Variants in ITGA9 observed in about 807,000 individuals in gnomAD.
ITGA9 encodes the protein integrin subunit alpha 9, also known as integrin alpha-9.
Under a neutral mutation model 127.8 loss-of-function variants are expected in ITGA9, and 56 were observed. The observed-to-expected ratio is 0.44, with a 90% CI of 0.35 to 0.55. The LOEUF (loss-of-function observed/expected upper bound fraction) is 0.55. ITGA9 is among the 20% of genes least tolerant of loss of function. The probability of loss-of-function intolerance (pLI) is 0.00; values close to 1 mark genes in which losing one functional copy is unlikely to be tolerated. For missense variants in ITGA9, 1,196 were observed against 1,347.1 expected (o/e 0.89, Z 1.76); for synonymous variants, 508 against 514.5 (o/e 0.99, Z 0.17).
chr3:37,562,162 G>A (rs1461041554), intron 15 of ITGA9, among the ~76,000 whole-genome samples: 1 of 152,180 alleles, frequency 6.6e-6, no homozygotes. Context: ...AGACTCTGCT[G>A]TGTCCGGCAG....
intron 15 of ITGA9, among the ~76,000 whole-genome samples, chr3:37,605,848 G>A (rs1699964051): frequency 1.3e-5 from 2 of 152,144 alleles, no homozygotes; most frequent in East Asian, 1.9e-4. Flanking sequence ...CATGGTGTGG[G>A]CATTTATAGG....
chr3:37,716,596 C>T (rs1169886343), intron 18 of ITGA9, among the ~76,000 whole-genome samples: 1 of 147,868 alleles, frequency 6.8e-6, no homozygotes, highest in East Asian at 2.0e-4. Flanking sequence ...TTAATATATT[C>T]CAACAAGTTC....
At chr3:37,649,679 G>A (rs868346693) in intron 16 of ITGA9, among the ~76,000 whole-genome samples, 6 of 152,172 alleles carry the variant, frequency 3.9e-5, no homozygotes, top group South Asian at 2.1e-4. Flanking sequence ...CAGTAAAGAA[G>A]CAGTAGACTT....
Position 37,821,134 on chromosome 3 carries a change from G to A in ITGA9, c.*2145G>A, listed in dbSNP as rs1697509539. On this transcript the variant is annotated 3_prime_UTR_variant, in exon 28 of 28. Transcript: ENST00000264741. ...CATGGGAATAGACCAAAAAAATCAAGGGTCAATGGCATGAACTAAGCTGAT... is the reference window on the plus strand; with the variant it reads ...CATGGGAATAGACCAAAAAAATCAAAGGTCAATGGCATGAACTAAGCTGAT... 1 of 152,128 alleles carries A rather than the reference G, an allele frequency of 6.6e-6. No individual in the cohort carries two copies. The highest frequency in any genetic ancestry group is 2.4e-5 in the African/African-American group (1 of 41,404). 9.4% of individuals were successfully genotyped at this position (152,128 alleles called of 1,614,324 possible). A position where few individuals can be genotyped will look rare whatever the true frequency, so the allele number is the denominator to read the frequency against.
chr3:37,702,217 G>C (rs1424043971), intron 18 of ITGA9, among the ~76,000 whole-genome samples: 1 of 152,176 alleles, frequency 6.6e-6, no homozygotes, highest in Non-Finnish European at 1.5e-5. Flanking sequence ...TTATAAAAAT[G>C]AGGAAACTGG....
At chr3:37,751,583 C>T (rs1001802947) in intron 23 of ITGA9, among the ~76,000 whole-genome samples, 1 of 152,114 alleles carries the variant, frequency 6.6e-6, no homozygotes, top group Non-Finnish European at 1.5e-5. Context: ...TACCCCAAAA[C>T]CAGGGATACC....
chr3:37,466,409 G>A lies in ITGA9; in HGVS notation c.186-4598G>A, dbSNP rs188567374. On this transcript the variant is annotated intron_variant, in intron 1 of 27. Coordinates refer to ENST00000264741, the MANE Select transcript of ITGA9 (RefSeq NM_002207.3). The stretch of plus-strand genomic sequence containing the variant: ...TGAGACAAGAGAATTGCTTGAACCC[G>A]GGAGGTGGAGGTTGCAGTGAGCGGA... Among the ~76,000 whole-genome samples the A allele has an allele frequency of 1.5e-3, 220 of 150,172 alleles. 1 individual carries two copies. The highest frequency in any genetic ancestry group is 3.5e-3 in the African/African-American group (141 of 40,678).
intron 26 of ITGA9, chr3:37,790,088 G>A: frequency 1.8e-6 from 1 of 554,772 alleles, no homozygotes; most frequent in Non-Finnish European, 3.5e-6. Flanking sequence ...AGAAGTGTCA[G>A]TGCTTCTACA....
intron 17 of ITGA9, 84 bp from the exon 18 acceptor site, chr3:37,683,781 C>A: frequency 7.1e-7 from 1 of 1,413,786 alleles, no homozygotes; most frequent in Non-Finnish European, 9.9e-7. Flanking sequence ...CGGTTTCTGC[C>A]CCCCACCTTC....
intron 16 of ITGA9, among the ~76,000 whole-genome samples, chr3:37,647,594 T>A (rs1242203641): frequency 6.6e-6 from 1 of 152,128 alleles, no homozygotes; most frequent in Non-Finnish European, 1.5e-5. Flanking sequence ...ACCAAAACTT[T>A]GTACCTTTGA....
intron 26 of ITGA9, among the ~76,000 whole-genome samples, chr3:37,793,389 A>AACACACATACACACACACAC (rs1270642484): frequency 1.5e-5 from 2 of 134,458 alleles, no homozygotes; most frequent in African/African-American, 5.5e-5. Context: ...CAAACAGGTC[A>AACACACATACACACACACAC]ACACACACAC....
intron 27 of ITGA9, among the ~76,000 whole-genome samples, chr3:37,812,005 G>A (rs780501240): frequency 1.3e-5 from 2 of 152,236 alleles, no homozygotes; most frequent in Admixed American, 6.5e-5. Flanking sequence ...CAGAGAATGT[G>A]TAAGGTTTGG....
At chr3:37,733,038 A>G in intron 19 of ITGA9, 2 of 524,612 alleles carry the variant, frequency 3.8e-6, no homozygotes, top group Non-Finnish European at 7.0e-6. Context: ...CCAAATGTGA[A>G]AGTGAAGGAC....
intron 18 of ITGA9, among the ~76,000 whole-genome samples, chr3:37,687,731 C>T (rs951971398): frequency 1.3e-5 from 2 of 152,164 alleles, no homozygotes; most frequent in Admixed American, 1.3e-4. Flanking sequence ...ACTTGCCCTC[C>T]ATTGTGACGT....
At position 37,803,894 on chromosome 3, in the gene ITGA9, G is replaced by A; in HGVS notation, c.2961G>A (p.Leu987=). ...TGGGGTGGATCATCGCCATCAGTTT[G>A]TTGGTGGGAATCCTCATCTTCCTGC... is the stretch of plus-strand genomic sequence containing the variant. ...YVVGWIIAIS[L]LVGILIFLLL... is the part of the protein sequence containing the mutation. Residue 987 remains leucine, a synonymous_variant, in exon 27 of 28, where the codon TTG becomes TTA. Coordinates refer to ENST00000264741, the MANE Select transcript of ITGA9 (RefSeq NM_002207.3). 1 of 1,614,200 alleles carries A rather than the reference G, an allele frequency of 6.2e-7. No individual in the cohort carries two copies. Among genetic ancestry groups the A allele is most frequent in the Non-Finnish European group, 8.5e-7 (1 of 1,180,038 alleles).
chr3:37,748,724 G>A, intron 22 of ITGA9: 2 of 579,050 alleles, frequency 3.5e-6, no homozygotes, highest in Non-Finnish European at 6.1e-6. Flanking sequence ...CTCCAGCCTG[G>A]GCGACAGAGC....
chr3:37,471,103 C>T lies in ITGA9; in HGVS notation c.282C>T (p.Asp94=). The T allele has an allele frequency of 6.2e-7, 1 of 1,614,092 alleles. No individual in the cohort carries two copies. Among genetic ancestry groups the T allele is most frequent in the Non-Finnish European group, 8.5e-7 (1 of 1,180,006 alleles). Residue 94 remains aspartate, a synonymous_variant, in exon 2 of 28, where the codon GAC becomes GAT. Coordinates refer to ENST00000264741, the MANE Select transcript of ITGA9 (RefSeq NM_002207.3). ...AGTGCCGTGTTCACACCAACCCTGACCGGAGATGCACCGAACTGGACATGG... is the reference window on the plus strand; with the variant it reads ...AGTGCCGTGTTCACACCAACCCTGATCGGAGATGCACCGAACTGGACATGG... The part of the protein sequence containing the change: ...VFKCRVHTNP[D]RRCTELDMAR...
intron 23 of ITGA9, among the ~76,000 whole-genome samples, chr3:37,750,871 C>G (rs1292384755): frequency 6.6e-6 from 1 of 152,276 alleles, no homozygotes; most frequent in African/African-American, 2.4e-5. Context: ...TTGCATGCGT[C>G]TGAATGCATT....
intron 15 of ITGA9, among the ~76,000 whole-genome samples, chr3:37,587,622 T>A (rs1444840345): frequency 6.7e-6 from 1 of 149,294 alleles, no homozygotes; most frequent in East Asian, 2.0e-4. Flanking sequence ...CACCAGTTCC[T>A]ACAAGGTACT....
Sources: gnomAD v4.1 joint callset for allele counts (sites outside exome capture counted in the v4.1 genomes callset) on GRCh38, gnomAD v4.1.1 for gene constraint, MANE v1.5 for transcripts, NCBI Gene and HGNC (gene_info 2026-07-23, HGNC 2026-07-21) for gene names.